MAPK9: variants seen among roughly 807,000 people sequenced by gnomAD.
MAPK9 encodes the protein mitogen-activated protein kinase 9.
Under a neutral mutation model 57.1 loss-of-function variants are expected in MAPK9, and 30 were observed. The ratio of observed to expected loss-of-function variants is 0.53; its 90% CI spans 0.39 to 0.71. The LOEUF (loss-of-function observed/expected upper bound fraction) is 0.71. Among genes scored for constraint, MAPK9 ranks in the 30% least tolerant of loss-of-function variants. The probability of loss-of-function intolerance (pLI) is 0.00; values close to 1 mark genes in which losing one functional copy is unlikely to be tolerated. For missense variants in MAPK9, 362 were observed against 521.0 expected (o/e 0.69, Z 2.97); for synonymous variants, 155 against 177.0 (o/e 0.88, Z 0.99).
chr5:180,264,888 A>T (rs538150302), intron 3 of MAPK9, 49 bp from the exon 4 acceptor site: 15 of 1,417,268 alleles, frequency 1.1e-5, no homozygotes, highest in South Asian at 2.7e-5. Flanking sequence ...TTACTTGATT[A>T]CAAAAATTAA....
intron 4 of MAPK9, 121 bp from the exon 5 acceptor site, chr5:180,261,943 G>A (rs1047770086): frequency 1.4e-6 from 1 of 726,884 alleles, no homozygotes; most frequent in Non-Finnish European, 2.1e-6. Context: ...AGATAACTTG[G>A]TATAATGGAA....
Position 180,253,311 on chromosome 5 carries a change from G to A in MAPK9, c.451-4173C>T, listed in dbSNP as rs35049114. Reference sequence around the variant, plus strand: ...CAGGCCTCCTCCCGGCCAGTCCCTCGCCTGTCTAACCCACCGTGGCATGCG... The same window carrying A: ...CAGGCCTCCTCCCGGCCAGTCCCTCACCTGTCTAACCCACCGTGGCATGCG... On this transcript the variant is annotated intron_variant, in intron 5 of 11. Coordinates refer to ENST00000452135, the MANE Select transcript of MAPK9 (RefSeq NM_002752.5). 7.1e-3 allele frequency among the ~76,000 whole-genome samples: 1,077 copies of A among 152,264 alleles called. 24 individuals are homozygous for A. Among genetic ancestry groups the A allele is most frequent in the South Asian group, 0.056 (269 of 4,824 alleles).
In MAPK9 at chr5:180,244,297, C is replaced by G. The variant is rs185396708; in HGVS notation, c.689-1542G>C. Among the ~76,000 whole-genome samples the G allele has an allele frequency of 1.3e-3, 201 of 152,296 alleles. 1 individual carries two copies. Among genetic ancestry groups the G allele is most frequent in the Middle Eastern group, 3.4e-3 (1 of 294 alleles). ...CTGCTCAGCTCTAGACCCTAACCCC[C>G]CTGACTCAAGGACAAGCTCCCTCAA... is the stretch of plus-strand genomic sequence containing the variant. On this transcript the variant is annotated intron_variant, in intron 7 of 11. Transcript: ENST00000452135.
chr5:180,243,896 G>A (rs1305681689), intron 7 of MAPK9, among the ~76,000 whole-genome samples: 1 of 152,172 alleles, frequency 6.6e-6, no homozygotes, highest in African/African-American at 2.4e-5. Context: ...CGCCCAGGCT[G>A]GAGTGCAGTG....
chr5:180,241,238 C>A, intron 8 of MAPK9, 83 bp from the exon 9 acceptor site: 2 of 1,265,752 alleles, frequency 1.6e-6, no homozygotes, highest in Non-Finnish European at 1.1e-6. Context: ...TATGACAACA[C>A]AGATAGAACA....
chr5:180,243,813 A>G (rs1581173785), intron 7 of MAPK9, among the ~76,000 whole-genome samples: 1 of 152,336 alleles, frequency 6.6e-6, no homozygotes, highest in East Asian at 1.9e-4. Context: ...TTTAGCCAAA[A>G]TGTGAAAACT....
chr5:180,238,608 CTT>C (rs746336177), intron 10 of MAPK9, among the ~76,000 whole-genome samples: 922 of 85,038 alleles, frequency 0.011, 3 homozygotes, highest in Admixed American at 0.026. Flanking sequence ...TCTTCTTCTT[CTT>C]TTTTTTTTTT....
At chr5:180,263,887 A>G (rs1392001411) in intron 4 of MAPK9, among the ~76,000 whole-genome samples, 2 of 151,884 alleles carry the variant, frequency 1.3e-5, no homozygotes, top group Admixed American at 6.6e-5. Flanking sequence ...TTGTATTTTT[A>G]GTAGAGACGG....
At chr5:180,280,392 T>C (rs770247038) in intron 2 of MAPK9, 48 bp downstream of exon 2, 9 of 1,581,938 alleles carry the variant, frequency 5.7e-6, no homozygotes, top group African/African-American at 1.4e-5. Flanking sequence ...TTTTACTTTT[T>C]ATTACAGCAA....
chr5:180,249,794 T>A (rs1028655140), intron 5 of MAPK9, among the ~76,000 whole-genome samples: 1 of 152,328 alleles, frequency 6.6e-6, no homozygotes, highest in Non-Finnish European at 1.5e-5. Context: ...CAAAATGTAA[T>A]CAACATAAGA....
chr5:180,255,754 G>C (rs1164701463), intron 5 of MAPK9, among the ~76,000 whole-genome samples: 2 of 152,020 alleles, frequency 1.3e-5, no homozygotes, highest in Non-Finnish European at 2.9e-5. Context: ...TTGGTAAGAA[G>C]CTAAATCAGC....
At position 180,285,527 on chromosome 5, in the gene MAPK9, G is replaced by A. The variant is rs769992930; in HGVS notation, c.-47-4919C>T. On this transcript the variant is annotated intron_variant, in intron 1 of 11. Coordinates refer to ENST00000452135, the MANE Select transcript of MAPK9 (RefSeq NM_002752.5). ...TCACACTAAAGCTTCAGAGTACCCA[G>A]GACATGCGATATTTAAATCAACTAA... 3.8e-4 allele frequency among the ~76,000 whole-genome samples: 58 copies of A among 152,252 alleles called. 1 individual carries two copies. The highest frequency in any genetic ancestry group is 4.9e-4 in the Non-Finnish European group (33 of 68,016).
At chr5:180,285,520 G>C (rs1762657992) in intron 1 of MAPK9, among the ~76,000 whole-genome samples, 1 of 152,176 alleles carries the variant, frequency 6.6e-6, no homozygotes, top group African/African-American at 2.4e-5. Context: ...AAGCTTCAGA[G>C]TACCCAGGAC....
At position 180,235,651 on chromosome 5, in the gene MAPK9, A is replaced by C. The variant is rs1333081735; in HGVS notation, c.*733T>G. ...TTTCAAGCAGCACTAAGCAAAACTTAAAATTGTATCGTGCAGTAAAGCTGA... is the reference window on the plus strand; with the variant it reads ...TTTCAAGCAGCACTAAGCAAAACTTCAAATTGTATCGTGCAGTAAAGCTGA... On this transcript the variant is annotated 3_prime_UTR_variant, in exon 12 of 12. Coordinates refer to ENST00000452135, the MANE Select transcript of MAPK9 (RefSeq NM_002752.5). The C allele has an allele frequency of 6.6e-6, 1 of 152,270 alleles. No homozygotes were observed. Among genetic ancestry groups the C allele is most frequent in the African/African-American group, 2.4e-5 (1 of 41,472 alleles). 9.4% of individuals were successfully genotyped at this position (152,270 alleles called of 1,614,324 possible).
At chr5:180,253,133 G>T (rs904533781) in intron 5 of MAPK9, among the ~76,000 whole-genome samples, 2 of 152,204 alleles carry the variant, frequency 1.3e-5, no homozygotes, top group African/African-American at 4.8e-5. Context: ...GGGGCCGACC[G>T]GGCAGGGATG....
At position 180,238,611 on chromosome 5, in the gene MAPK9, T is replaced by C. The variant is rs1027646271; in HGVS notation, c.1061-208A>G. On this transcript the variant is annotated intron_variant, in intron 10 of 11. Coordinates refer to ENST00000452135, the MANE Select transcript of MAPK9 (RefSeq NM_002752.5). ...TATCTTTTCTTTTCTTCTTCTTCTT[T>C]TTTTTTTTTTTTTTTTTGAGACAGT... 8.1e-4 allele frequency among the ~76,000 whole-genome samples: 116 copies of C among 142,976 alleles called. 1 individual carries two copies. The South Asian group carries it at 8.2e-3, about 10-fold the overall frequency. The allele number at this position is 142,976 out of a possible 152,430, so 93.8% of individuals were successfully genotyped here.
intron 3 of MAPK9, 71 bp from the exon 4 acceptor site, chr5:180,264,910 A>C (rs1581242342): frequency 9.5e-6 from 12 of 1,259,312 alleles, no homozygotes; most frequent in East Asian, 2.8e-5. Context: ...TTTAATATTG[A>C]AATGCATTAA....
chr5:180,290,720 C>T (rs550337175), intron 1 of MAPK9, among the ~76,000 whole-genome samples: 2 of 152,354 alleles, frequency 1.3e-5, no homozygotes, highest in South Asian at 4.1e-4. Context: ...AAGTTTCACA[C>T]GCTAATCAGA....
chr5:180,289,751 G>A (rs72811024), intron 1 of MAPK9, among the ~76,000 whole-genome samples: 22,988 of 152,100 alleles, frequency 0.15, 2,141 homozygotes, highest in Middle Eastern at 0.2. Context: ...GGAGGATGAC[G>A]ATCCTGCAAC....
Sources: gnomAD v4.1 joint callset for allele counts (sites outside exome capture counted in the v4.1 genomes callset) on GRCh38, gnomAD v4.1.1 for gene constraint, MANE v1.5 for transcripts, NCBI Gene and HGNC (gene_info 2026-07-23, HGNC 2026-07-21) for gene names.